VCAN: variants seen among roughly 807,000 people sequenced by gnomAD.
VCAN encodes the protein versican, also known as versican core protein.
In VCAN, 44 loss-of-function variants were observed where a neutral mutation model predicts 245.5. The observed-to-expected ratio is 0.18, with a 90% CI of 0.14 to 0.23. The LOEUF (loss-of-function observed/expected upper bound fraction) is 0.23, where lower values mean the gene tolerates loss of function less well. Among genes scored for constraint, VCAN ranks in the 10% least tolerant of loss-of-function variants. The probability of loss-of-function intolerance (pLI) is 1.00; values close to 1 mark genes in which losing one functional copy is unlikely to be tolerated. For missense variants in VCAN, 3,793 were observed against 4,057.9 expected (o/e 0.93, Z 1.77); for synonymous variants, 1,413 against 1,437.0 (o/e 0.98, Z 0.38).
chr5:83,573,238 A>G (rs1380703343), intron 13 of VCAN, among the ~76,000 whole-genome samples: 1 of 152,154 alleles, frequency 6.6e-6, no homozygotes, highest in Non-Finnish European at 1.5e-5. Flanking sequence ...ACAAAATAAA[A>G]TAGTTGTCAA....
Position 83,581,298 on chromosome 5 carries a change from G to A in VCAN, c.*864G>A, listed in dbSNP as rs550529592. 1.4e-5 allele frequency: 2 copies of A among 145,510 alleles called. No homozygotes were observed. Among genetic ancestry groups the A allele is most frequent in the South Asian group, 4.5e-4 (2 of 4,430 alleles). 9.0% of individuals were successfully genotyped at this position (145,510 alleles called of 1,614,324 possible). ...ATAGACCTAGGGCTCTGGAGGGTGG[G>A]GGATTGTTAAAACACATGCAAAAAA... On this transcript the variant is annotated 3_prime_UTR_variant, in exon 15 of 15. Coordinates refer to ENST00000265077, the MANE Select transcript of VCAN (RefSeq NM_004385.5).
At chr5:83,547,164 T>C (rs961894928) in intron 9 of VCAN, among the ~76,000 whole-genome samples, 1 of 152,146 alleles carries the variant, frequency 6.6e-6, no homozygotes, top group African/African-American at 2.4e-5. Flanking sequence ...AGAAGGCAGG[T>C]TGGGTCTAGA....
chr5:83,512,084 T>C lies in VCAN; in HGVS notation c.749-19T>C. ...GAATAATAAAACTTTGGGCTTTTTT[T>C]CCCTTCTTTTTTTTCCAGGTGATGT... On this transcript the variant is annotated intron_variant, in intron 5 of 14. Transcript: ENST00000265077. The C allele has an allele frequency of 1.9e-6, 3 of 1,613,802 alleles. No individual in the cohort carries two copies. The highest frequency in any genetic ancestry group is 8.5e-7 in the Non-Finnish European group (1 of 1,179,952).
At chr5:83,553,656 C>T (rs1361506354) in intron 11 of VCAN, 134 bp downstream of exon 11, 5 of 1,227,192 alleles carry the variant, frequency 4.1e-6, no homozygotes, top group Non-Finnish European at 5.7e-6. Context: ...CTGTGAATTA[C>T]TTAAAATCAT....
Position 83,537,371 on chromosome 5 carries a change from A to G in VCAN, c.4368A>G (p.Ile1456Met), listed in dbSNP as rs1360456203. The G allele has an allele frequency of 1.9e-6, 3 of 1,614,016 alleles. No homozygotes were observed. The highest frequency in any genetic ancestry group is 2.5e-6 in the Non-Finnish European group (3 of 1,179,952). Reference sequence around the variant, plus strand: ...AAAGTGATACTCATCCATTTGTAATAGCCAAAACGGAATTGTCTACTGCTG... The same window carrying G: ...AAAGTGATACTCATCCATTTGTAATGGCCAAAACGGAATTGTCTACTGCTG... ...SSESDTHPFV[I>M]AKTELSTAVQ... is the part of the protein sequence containing the mutation. The change falls in exon 8 of 15, where the codon ATA becomes ATG. Residue 1456 changes from isoleucine (I) to methionine (M), a missense_variant. Around this residue, in one of 5 missense-constraint regions of VCAN, gnomAD observed 3,182 missense variants for 3,250.3 expected, o/e 0.98. Transcript: ENST00000265077.
rs544131279 is a variant in VCAN at position 83,547,638 on chromosome 5, G to A, written c.9380-333G>A. Among the ~76,000 whole-genome samples, 7 of 152,110 alleles carry A rather than the reference G, an allele frequency of 4.6e-5. No individual in the cohort carries two copies. In the East Asian group the frequency reaches 9.7e-4, roughly 21 times the overall value. ...GGCTGGGGCTGTTGATTCTTCATTC[G>A]TTTTAGGGCTTATCTGATTCATTTA... On this transcript the variant is annotated intron_variant, in intron 9 of 14. Transcript: ENST00000265077.
At chr5:83,509,930 A>G (rs1165681741) in intron 5 of VCAN, among the ~76,000 whole-genome samples, 1 of 152,244 alleles carries the variant, frequency 6.6e-6, no homozygotes, top group Non-Finnish European at 1.5e-5. Flanking sequence ...GCTGTTGGGA[A>G]GGATAGGGGG....
chr5:83,538,593 A>G lies in VCAN; in HGVS notation c.5590A>G (p.Lys1864Glu), dbSNP rs1438934483. 1.2e-6 allele frequency: 2 copies of G among 1,613,946 alleles called. No homozygotes were observed. Among genetic ancestry groups the G allele is most frequent in the Non-Finnish European group, 1.7e-6 (2 of 1,179,974 alleles). Reference protein sequence around the residue: ...LNVEYAIQAEKEVAGTLSPHV... With the variant: ...LNVEYAIQAEEEVAGTLSPHV... ...CGTAGAGTATGCAATTCAAGCCGAA[A>G]AGGAAGTAGCTGGCACTTTGTCTCC... The change falls in exon 8 of 15, where the codon AAG becomes GAG. Residue 1864 changes from lysine (K) to glutamate (E), a missense_variant. This residue lies in a region of VCAN where 3,182 missense variants were observed against 3,250.3 expected (regional missense o/e 0.98). Transcript: ENST00000265077.
rs753104597 is a variant in VCAN, at chr5:83,540,937, G to T, written c.7934G>T (p.Ser2645Ile). The T allele has an allele frequency of 1.9e-6, 3 of 1,613,782 alleles. No homozygotes were observed. The highest frequency in any genetic ancestry group is 1.7e-5 in the Admixed American group (1 of 59,950). ...GAGGGCTCTGCTGATGTTCTGGCTA[G>T]CTACACTCAGGCAACACATGATGAA... ...TFEGSADVLASYTQATHDESM... is the reference protein window; with the variant it reads ...TFEGSADVLAIYTQATHDESM... Residue 2645 changes from serine (S) to isoleucine (I), a missense_variant, in exon 8 of 15, where the codon AGC becomes ATC. Around this residue, in one of 5 missense-constraint regions of VCAN, gnomAD observed 3,182 missense variants for 3,250.3 expected, o/e 0.98. Coordinates refer to ENST00000265077, the MANE Select transcript of VCAN (RefSeq NM_004385.5).
At chr5:83,553,289 A>G in intron 10 of VCAN, 75 bp from the exon 11 acceptor site, 2 of 1,589,890 alleles carry the variant, frequency 1.3e-6, no homozygotes, top group Non-Finnish European at 1.7e-6. Flanking sequence ...TGGGTATCCT[A>G]CTAACACTTG....
chr5:83,533,020 C>G (rs147786796), intron 7 of VCAN, among the ~76,000 whole-genome samples: 49 of 152,082 alleles, frequency 3.2e-4, no homozygotes, highest in African/African-American at 1.2e-3. Context: ...TTCCTTTTAC[C>G]ATCTATATGC....
At position 83,537,879 on chromosome 5, in the gene VCAN, C is replaced by G. The variant is rs1406306125; in HGVS notation, c.4876C>G (p.Gln1626Glu). ...AAGCTGGGTAGAAGCAACTCCTAGA[C>G]AAGTTGTAGAGCTCTCAGGGAGTTC... ...KESWVEATPR[Q>E]VVELSGSSSI... Residue 1626 changes from glutamine (Q) to glutamate (E), a missense_variant, in exon 8 of 15, where the codon CAA (glutamine) becomes GAA (glutamate). Gln to Glu is a conservative substitution (Grantham distance 29). Coordinates refer to ENST00000265077, the MANE Select transcript of VCAN (RefSeq NM_004385.5). 2 of 1,613,986 alleles carry G rather than the reference C, an allele frequency of 1.2e-6. No homozygotes were observed. The highest frequency in any genetic ancestry group is 2.2e-5 in the East Asian group (1 of 44,862).
chr5:83,538,790 T>A lies in VCAN; in HGVS notation c.5787T>A (p.Pro1929=), dbSNP rs907796596. 6.2e-7 allele frequency: 1 copy of A among 1,613,916 alleles called. No individual in the cohort carries two copies. The highest frequency in any genetic ancestry group is 1.7e-5 in the Admixed American group (1 of 60,004). Residue 1929 remains proline (P), a synonymous_variant, in exon 8 of 15, where the codon CCT becomes CCA. Transcript: ENST00000265077. The part of the protein sequence containing the change: ...AEIRGFSTGF[P]LEEDFSGDFR... ...TAAGGGGCTTTTCCACAGGTTTTCC[T>A]TTGGAGGAAGATTTCAGTGGTGACT...
chr5:83,574,514 G>A (rs995184422), intron 13 of VCAN, among the ~76,000 whole-genome samples: 5 of 152,126 alleles, frequency 3.3e-5, no homozygotes, highest in African/African-American at 9.7e-5. Context: ...TGGCTTTCAG[G>A]ATTTCAACAT....
intron 2 of VCAN, among the ~76,000 whole-genome samples, chr5:83,488,022 A>G (rs1433593262): frequency 2.0e-5 from 3 of 152,206 alleles, no homozygotes; most frequent in Non-Finnish European, 4.4e-5. Context: ...GCATTTGAAA[A>G]TAGTACTTTA....
intron 1 of VCAN, among the ~76,000 whole-genome samples, chr5:83,477,931 C>CA (rs911575143): frequency 9.4e-4 from 135 of 144,084 alleles, no homozygotes; most frequent in African/African-American, 3.0e-3. Flanking sequence ...AGAGGAGTAA[C>CA]AAAAAAAAAT....
chr5:83,564,436 A>G (rs1166244271), intron 12 of VCAN, among the ~76,000 whole-genome samples: 1 of 152,218 alleles, frequency 6.6e-6, no homozygotes, highest in Non-Finnish European at 1.5e-5. Context: ...TCTTAATTCT[A>G]GTATAAATTG....
Position 83,541,504 on chromosome 5 carries a change from G to T in VCAN, c.8501G>T (p.Gly2834Val). The change falls in exon 8 of 15, where the codon GGC (glycine) becomes GTC (valine). Residue 2834 changes from glycine to valine, a missense_variant. By Grantham distance (109) the Gly-to-Val change is moderately radical (BLOSUM62 -3). Coordinates refer to ENST00000265077, the MANE Select transcript of VCAN (RefSeq NM_004385.5). ...TPSSPLTIYS[G>V]SEASGHTEIP... ...TCATCTCCCCTCACTATCTACTCAG[G>T]CAGTGAAGCCTCTGGACACACAGAG... 1 of 1,613,932 alleles carries T rather than the reference G, an allele frequency of 6.2e-7. No homozygotes were observed. The highest frequency in any genetic ancestry group is 8.5e-7 in the Non-Finnish European group (1 of 1,179,990).
Position 83,538,526 on chromosome 5 carries a change from T to G in VCAN, c.5523T>G (p.Ala1841=). 6.2e-7 allele frequency: 1 copy of G among 1,614,078 alleles called. No homozygotes were observed. Among genetic ancestry groups the G allele is most frequent in the Non-Finnish European group, 8.5e-7 (1 of 1,179,962 alleles). The part of the protein sequence containing the change: ...VFMEQGSGEA[A]ADPETTTVSS... ...TGGAGCAGGGCTCTGGAGAAGCTGC[T>G]GCCGACCCAGAAACCACCACTGTTT... is the stretch of plus-strand genomic sequence containing the variant. Residue 1841 remains alanine (A), a synonymous_variant, in exon 8 of 15, where the codon GCT becomes GCG. Coordinates refer to ENST00000265077, the MANE Select transcript of VCAN (RefSeq NM_004385.5).
Sources: gnomAD v4.1 joint callset for allele counts (sites outside exome capture counted in the v4.1 genomes callset) on GRCh38, gnomAD v4.1.1 for gene constraint, gnomAD v4.1.1 regional missense constraint, MANE v1.5 for transcripts, NCBI Gene and HGNC (gene_info 2026-07-23, HGNC 2026-07-21) for gene names.